MROH1: variants seen among roughly 807,000 people sequenced by gnomAD.
MROH1 encodes maestro heat-like repeat-containing protein family member 1.
A neutral mutation model predicts 116.5 loss-of-function variants in MROH1; 117 were observed. The observed-to-expected ratio is 1.00, with a 90% CI of 0.86 to 1.17. MROH1 has a LOEUF of 1.17. Ranked by LOEUF, MROH1 falls within the 50% of genes most tolerant of loss-of-function variation. MROH1 has a pLI of 0.00. For missense variants in MROH1, 1,873 were observed against 1,338.5 expected, an observed-to-expected ratio of 1.40 and a Z score of -6.23; for synonymous variants, 921 against 583.9, an observed-to-expected ratio of 1.58 and a Z score of -8.32.
At chr8:144,156,942 C>T (rs1216687685) in intron 1 of MROH1, among the ~76,000 whole-genome samples, 2 of 151,212 alleles carry the variant, frequency 1.3e-5, no homozygotes, top group Non-Finnish European at 2.9e-5. Context: ...ACCACCACGC[C>T]TGGCTAATTT....
intron 7 of MROH1, among the ~76,000 whole-genome samples, chr8:144,187,342 C>T (rs374071135): frequency 6.6e-6 from 1 of 151,588 alleles, no homozygotes; most frequent in Non-Finnish European, 1.5e-5. Context: ...CCCAGGAGGT[C>T]GAGGCTGCAG....
chr8:144,212,084 G>GTTTGTTTT (rs1464633934), intron 12 of MROH1, among the ~76,000 whole-genome samples: 9 of 151,694 alleles, frequency 5.9e-5, no homozygotes, highest in Non-Finnish European at 5.9e-5. Flanking sequence ...TTTTTTGTTT[G>GTTTGTTTT]TTTGTTTGTT....
At chr8:144,225,282 C>T (rs903589141) in intron 14 of MROH1, among the ~76,000 whole-genome samples, 1 of 152,148 alleles carries the variant, frequency 6.6e-6, no homozygotes, top group African/African-American at 2.4e-5. Flanking sequence ...ATTCTGGGCA[C>T]AAGTCCTTTG....
At chr8:144,232,401 A>G (rs921137624) in intron 14 of MROH1, among the ~76,000 whole-genome samples, 1 of 152,142 alleles carries the variant, frequency 6.6e-6, no homozygotes, top group African/African-American at 2.4e-5. Flanking sequence ...TTGTGCATCT[A>G]TTGGTGAAAT....
intron 35 of MROH1, among the ~76,000 whole-genome samples, chr8:144,256,140 G>A (rs571278940): frequency 3.5e-4 from 53 of 152,272 alleles, no homozygotes; most frequent in South Asian, 1.0e-3. Flanking sequence ...AGCCCCACAC[G>A]TAAGAGCTGC....
At chr8:144,255,779 G>C in intron 35 of MROH1, 74 bp downstream of exon 35, 1 of 687,930 alleles carries the variant, frequency 1.5e-6, no homozygotes, top group Non-Finnish European at 2.7e-6. Flanking sequence ...CGCGTGGTGG[G>C]GGCGGACGGC....
chr8:144,149,020 G>A (rs1162347291), intron 1 of MROH1: 1 of 152,792 alleles, frequency 6.5e-6, no homozygotes, highest in East Asian at 1.9e-4. Context: ...AGGCAGGCAG[G>A]GTAGGGCCGG....
At position 144,240,081 on chromosome 8, in the gene MROH1, C is replaced by T; in HGVS notation, c.1775-20C>T. ...CTGGTGCGTTTTGGGATGGGCTGGCCTGCGCGGCTGTCGTTTCAGAGCACA... is the reference window on the plus strand; with the variant it reads ...CTGGTGCGTTTTGGGATGGGCTGGCTTGCGCGGCTGTCGTTTCAGAGCACA... On this transcript the variant is annotated intron_variant, in intron 18 of 43. Transcript: ENST00000326134. The T allele has an allele frequency of 1.3e-6, 1 of 772,834 alleles. No homozygotes were observed. Among genetic ancestry groups the T allele is most frequent in the Non-Finnish European group, 2.4e-6 (1 of 414,534 alleles). The allele number at this position is 772,834 out of a possible 1,614,324, so 47.9% of individuals were successfully genotyped here.
intron 14 of MROH1, among the ~76,000 whole-genome samples, chr8:144,230,398 C>A (rs1838625256): frequency 6.6e-6 from 1 of 152,004 alleles, no homozygotes; most frequent in African/African-American, 2.4e-5. Context: ...CCTTCAAGAG[C>A]TTTTCCTTTG....
chr8:144,210,566 C>T (rs1487010497), intron 12 of MROH1, among the ~76,000 whole-genome samples: 1 of 152,004 alleles, frequency 6.6e-6, no homozygotes, highest in East Asian at 1.9e-4. Context: ...GTGGCGCACA[C>T]CTGTCCCAGC....
At position 144,180,498 on chromosome 8, in the gene MROH1, C is replaced by T. The variant is rs1394201512; in HGVS notation, c.537C>T (p.Asp179=). 3.7e-6 allele frequency: 6 copies of T among 1,611,494 alleles called. No individual in the cohort carries two copies. The highest frequency in any genetic ancestry group is 5.1e-6 in the Non-Finnish European group (6 of 1,179,820). The change falls in exon 7 of 44, where the codon GAC becomes GAT. Residue 179 remains aspartate, a synonymous_variant. Coordinates refer to ENST00000326134, the MANE Select transcript of MROH1 (RefSeq NM_032450.3). This position sits in a 1 kb window ranked among gnomAD's most constrained non-coding sequence, Gnocchi z 7.4. ...CCGTGCTGGGCGTGGCCAAGCAGGA[C>T]ACGGTGCGCGTGGCCTTCTGCTCCG... The part of the protein sequence containing the change: ...LLPVLGVAKQ[D]TVRVAFCSAL...
chr8:144,155,090 A>G (rs1817716835), intron 1 of MROH1, among the ~76,000 whole-genome samples: 1 of 152,110 alleles, frequency 6.6e-6, no homozygotes, highest in Non-Finnish European at 1.5e-5. Flanking sequence ...TGCTGGGATT[A>G]CAGGCATGAG....
intron 1 of MROH1, among the ~76,000 whole-genome samples, chr8:144,155,937 T>G (rs1817937633): frequency 6.6e-6 from 1 of 151,780 alleles, no homozygotes; most frequent in Non-Finnish European, 1.5e-5. Context: ...CCGGCCAGTT[T>G]TTCTTAAGTA....
rs1367802923 is a variant in MROH1 at position 144,247,360 on chromosome 8, G to A, written c.2931G>A (p.Ala977=). The A allele has an allele frequency of 1.9e-4, 143 of 772,456 alleles. 2 individuals are homozygous for A. Among genetic ancestry groups the A allele is most frequent in the South Asian group, 1.7e-3 (123 of 72,764 alleles). The allele number at this position is 772,456 out of a possible 1,614,324, so 47.9% of individuals were successfully genotyped here. The change falls in exon 30 of 44, where the codon GCG becomes GCA. Residue 977 remains alanine (A), a synonymous_variant. Coordinates refer to ENST00000326134, the MANE Select transcript of MROH1 (RefSeq NM_032450.3). ...TCGGCCTCTTCTCCCCACGGTGTGCGGACCTGTGGCCTGCCACCCGCCAGG... is the reference window on the plus strand; with the variant it reads ...TCGGCCTCTTCTCCCCACGGTGTGCAGACCTGTGGCCTGCCACCCGCCAGG... ...LLIGLFSPRC[A]DLWPATRQEA...
At chr8:144,259,450 C>G in intron 37 of MROH1, 96 bp downstream of exon 37, 1 of 704,360 alleles carries the variant, frequency 1.4e-6, no homozygotes, top group South Asian at 1.5e-5. Flanking sequence ...AAGGCCCCCT[C>G]GACCGTGGTC....
chr8:144,226,349 G>A (rs1267950581), intron 14 of MROH1, among the ~76,000 whole-genome samples: 5 of 152,122 alleles, frequency 3.3e-5, no homozygotes, highest in Non-Finnish European at 7.4e-5. Context: ...CATCTTCGTC[G>A]AAAATCAGGC....
chr8:144,180,584 G>C lies in MROH1; in HGVS notation c.562+61G>C, dbSNP rs1825356348. The C allele has an allele frequency of 1.3e-6, 2 of 1,530,048 alleles. No individual in the cohort carries two copies. The highest frequency in any genetic ancestry group is 1.8e-6 in the Non-Finnish European group (2 of 1,121,488). The allele number at this position is 1,530,048 out of a possible 1,614,324, so 94.8% of individuals were successfully genotyped here. The stretch of plus-strand genomic sequence containing the variant: ...CCCCTTTGTGGGGGGCTGTTCCCGG[G>C]CATGCCTGTTTTAGGGGGGACAGGT... On this transcript the variant is annotated intron_variant, in intron 7 of 43. Coordinates refer to ENST00000326134, the MANE Select transcript of MROH1 (RefSeq NM_032450.3). The surrounding 1 kb of genome is among the most constrained non-coding windows in gnomAD (Gnocchi z 7.4).
At chr8:144,252,715 C>G (rs1400659301) in intron 33 of MROH1, 1 of 149,740 alleles carries the variant, frequency 6.7e-6, no homozygotes, top group African/African-American at 2.5e-5. Flanking sequence ...GCCTATAATC[C>G]CGACACTTTG....
At chr8:144,201,184 GT>G (rs1219878043) in intron 12 of MROH1, 1 of 152,000 alleles carries the variant, frequency 6.6e-6, no homozygotes, top group Admixed American at 6.6e-5. Context: ...AGCCTCCCGA[GT>G]AGCTGGAACT....
Sources: gnomAD v4.1 joint callset for allele counts (sites outside exome capture counted in the v4.1 genomes callset) on GRCh38, gnomAD v4.1.1 for gene constraint, Gnocchi (gnomAD v3.1) non-coding constraint, MANE v1.5 for transcripts, NCBI Gene and HGNC (gene_info 2026-07-23, HGNC 2026-07-21) for gene names.